APBA1: variants seen among roughly 807,000 people sequenced by gnomAD.
The protein encoded by APBA1 is amyloid-beta A4 precursor protein-binding family A member 1.
In APBA1, 55 loss-of-function variants were observed where a neutral mutation model predicts 86.6. The ratio of observed to expected loss-of-function variants is 0.64; its 90% CI spans 0.51 to 0.80. The LOEUF is 0.80. Ranked by LOEUF, APBA1 falls within the 30% of genes least tolerant of loss-of-function variation. The pLI is 0.00. For synonymous variants in APBA1, 511 were observed against 493.9 expected, an observed-to-expected ratio of 1.03 and a Z score of -0.46; for missense variants, 1,090 against 1,183.0, an observed-to-expected ratio of 0.92 and a Z score of 1.15.
chr9:69,652,059 C>A (rs1047195754), intron 1 of APBA1, among the ~76,000 whole-genome samples: 3 of 152,154 alleles, frequency 2.0e-5, no homozygotes, highest in Non-Finnish European at 4.4e-5. Flanking sequence ...GAAAAGGCCA[C>A]GTGAGGACAC....
intron 1 of APBA1, among the ~76,000 whole-genome samples, chr9:69,611,526 A>G (rs951212467): frequency 2.0e-5 from 3 of 152,204 alleles, no homozygotes; most frequent in African/African-American, 7.2e-5. Flanking sequence ...TGGGAAGTTA[A>G]AAGATTTTTT....
chr9:69,640,410 G>C (rs1425727762), intron 1 of APBA1, among the ~76,000 whole-genome samples: 5 of 151,930 alleles, frequency 3.3e-5, no homozygotes, highest in Admixed American at 2.6e-4. Flanking sequence ...ATTGCTGGGA[G>C]TCATATAATT....
intron 1 of APBA1, among the ~76,000 whole-genome samples, chr9:69,532,427 T>C (rs1245211472): frequency 6.6e-6 from 1 of 152,198 alleles, no homozygotes; most frequent in Non-Finnish European, 1.5e-5. Context: ...GGCAGGAACC[T>C]GACTGGCATG....
chr9:69,484,626 T>A (rs1055913162), intron 2 of APBA1, among the ~76,000 whole-genome samples: 2 of 152,132 alleles, frequency 1.3e-5, no homozygotes, highest in Admixed American at 6.5e-5. Context: ...CTATTCACAG[T>A]ACATTCCTTT....
In APBA1 at chr9:69,456,321, C is replaced by T. The variant is rs201954883; in HGVS notation, c.1714G>A (p.Val572Met). 1.1e-4 allele frequency: 184 copies of T among 1,614,080 alleles called. 1 individual carries two copies. Among genetic ancestry groups the T allele is most frequent in the Non-Finnish European group, 1.1e-4 (133 of 1,180,032 alleles). The change falls in exon 8 of 13, where the codon GTG becomes ATG. Residue 572 changes from valine to methionine, a missense_variant. By Grantham distance (21) the Val-to-Met change is conservative. Transcript: ENST00000265381. ...TCCTGGGATGGGTGGGACGCTTCCA[C>T]GTTCTCCTGGGAGTTGGAGCGAGGC... Reference protein sequence around the residue: ...RMPRSNSQENVEASHPSQDGK... With the variant: ...RMPRSNSQENMEASHPSQDGK...
chr9:69,502,416 T>TTTTG (rs1835893390), intron 2 of APBA1, among the ~76,000 whole-genome samples: 1 of 149,956 alleles, frequency 6.7e-6, no homozygotes. Context: ...TCTCTTTTTG[T>TTTTG]TTTTTTTTCC....
chr9:69,484,442 C>T (rs1310434975), intron 2 of APBA1, among the ~76,000 whole-genome samples: 1 of 152,154 alleles, frequency 6.6e-6, no homozygotes, highest in African/African-American at 2.4e-5. Context: ...CATCAGGGAC[C>T]ACTTCCCTGC....
rs570928530 is a variant in APBA1, at chr9:69,546,552, T to C, written c.-69-29273A>G. On this transcript the variant is annotated intron_variant, in intron 1 of 12. Transcript: ENST00000265381. ...TCCTCTTTTCTGAGAGGTCTTTCTA[T>C]AGGTGTGACCAATTCCTCCTTAACT... Among the ~76,000 whole-genome samples, 8 of 152,338 alleles carry C rather than the reference T, an allele frequency of 5.3e-5. No homozygotes were observed. In the East Asian group the frequency reaches 5.8e-4, roughly 11 times the overall value.
rs141660674 is a variant in APBA1 at position 69,536,141 on chromosome 9, A to T, written c.-69-18862T>A. Reference sequence around the variant, plus strand: ...TTTACTATTGCTTACTCATTCTCTTATTCATAATCATTAGGTCATTTCCAC... The same window carrying T: ...TTTACTATTGCTTACTCATTCTCTTTTTCATAATCATTAGGTCATTTCCAC... On this transcript the variant is annotated intron_variant, in intron 1 of 12. Transcript: ENST00000265381. Among the ~76,000 whole-genome samples the T allele has an allele frequency of 2.8e-3, 421 of 150,970 alleles. 2 individuals are homozygous for T. The highest frequency in any genetic ancestry group is 9.7e-3 in the African/African-American group (398 of 41,142).
intron 1 of APBA1, among the ~76,000 whole-genome samples, chr9:69,653,376 C>T (rs924266613): frequency 1.3e-5 from 2 of 151,996 alleles, no homozygotes; most frequent in African/African-American, 2.4e-5. Context: ...AGTTCAACAC[C>T]CCCACTTTCA....
intron 2 of APBA1, among the ~76,000 whole-genome samples, chr9:69,486,567 G>A (rs558739521): frequency 3.6e-4 from 55 of 152,228 alleles, no homozygotes; most frequent in Non-Finnish European, 6.2e-4. Flanking sequence ...GTAGTGGTCA[G>A]TTCTGCAGGA....
chr9:69,530,896 G>A (rs574537391), intron 1 of APBA1, among the ~76,000 whole-genome samples: 12 of 152,218 alleles, frequency 7.9e-5, no homozygotes, highest in South Asian at 6.2e-4. Flanking sequence ...CTACATAGTC[G>A]TGAGTCTTAA....
At chr9:69,642,236 C>T (rs779574077) in intron 1 of APBA1, among the ~76,000 whole-genome samples, 14 of 152,220 alleles carry the variant, frequency 9.2e-5, no homozygotes, top group Admixed American at 1.3e-4. Context: ...AAGACTTATA[C>T]CTGGAATACA....
At chr9:69,575,135 T>A (rs547976485) in intron 1 of APBA1, among the ~76,000 whole-genome samples, 14 of 152,068 alleles carry the variant, frequency 9.2e-5, no homozygotes, top group Admixed American at 2.6e-4. Context: ...CCAGGCTGGT[T>A]GCAAACTCCT....
chr9:69,545,215 A>G (rs1185657245), intron 1 of APBA1, among the ~76,000 whole-genome samples: 1 of 152,248 alleles, frequency 6.6e-6, no homozygotes, highest in Non-Finnish European at 1.5e-5. Flanking sequence ...GGCTTGATAG[A>G]TGATGTGCTA....
Position 69,516,740 on chromosome 9 carries a change from G to A in APBA1, c.471C>T (p.His157=), listed in dbSNP as rs772408859. The A allele has an allele frequency of 1.2e-6, 2 of 1,611,940 alleles. No homozygotes were observed. Among genetic ancestry groups the A allele is most frequent in the African/African-American group, 1.3e-5 (1 of 74,912 alleles). Residue 157 remains histidine (H), a synonymous_variant, in exon 2 of 13, where the codon CAC becomes CAT. Transcript: ENST00000265381. This position sits in a 1 kb window ranked among gnomAD's most constrained non-coding sequence, Gnocchi z 7.3. ...AGTAGGCCGCATTCATGGCTTCCTCGTGCTCCAGCGAGTGGAAGTGCAGGT... is the reference window on the plus strand; with the variant it reads ...AGTAGGCCGCATTCATGGCTTCCTCATGCTCCAGCGAGTGGAAGTGCAGGT... ...PNHLHFHSLE[H]EEAMNAAYSG...
chr9:69,440,274 G>A (rs1017140990), intron 11 of APBA1, among the ~76,000 whole-genome samples: 2 of 152,198 alleles, frequency 1.3e-5, no homozygotes, highest in Non-Finnish European at 2.9e-5. Context: ...CAGATCTCAA[G>A]CTGTGTGCTG....
intron 2 of APBA1, 90 bp from the exon 3 acceptor site, chr9:69,476,233 G>T: frequency 1.1e-6 from 1 of 903,810 alleles, no homozygotes; most frequent in Non-Finnish European, 1.7e-6. Context: ...GAGAAGCAAA[G>T]CAGAACACAA....
At chr9:69,658,302 CTCTCTT>C (rs1327701085) in intron 1 of APBA1, among the ~76,000 whole-genome samples, 17 of 83,616 alleles carry the variant, frequency 2.0e-4, no homozygotes, top group African/African-American at 7.0e-4. Context: ...CTTTCTCTCT[CTCTCTT>C]TCTTTCTTTC....
Sources: allele counts gnomAD v4.1 joint callset (sites outside exome capture counted in the v4.1 genomes callset), GRCh38; gene constraint gnomAD v4.1.1; non-coding constraint Gnocchi (gnomAD v3.1); transcripts MANE v1.5; gene names NCBI Gene and HGNC (gene_info 2026-07-23, HGNC 2026-07-21).